Variants in DGCR2 observed in about 807,000 individuals in gnomAD.
The protein encoded by DGCR2 is DiGeorge syndrome critical region gene 2, also known as integral membrane protein DGCR2/IDD.
In DGCR2, 24 loss-of-function variants were observed where a neutral mutation model predicts 51.6. The ratio of observed to expected loss-of-function variants is 0.47; its 90% CI spans 0.34 to 0.65. The LOEUF is 0.65. Ranked by LOEUF, DGCR2 falls within the 30% of genes least tolerant of loss-of-function variation. The probability of loss-of-function intolerance (pLI) is 0.01; values close to 1 mark genes in which losing one functional copy is unlikely to be tolerated. For missense variants in DGCR2, 765 were observed against 772.1 expected (o/e 0.99, Z 0.11); for synonymous variants, 340 against 315.4 (o/e 1.08, Z -0.82).
At position 19,056,567 on chromosome 22, in the gene DGCR2, A is replaced by C. The variant is rs1249541228; in HGVS notation, c.802+419T>G. 28 of 271,500 alleles carry C rather than the reference A, an allele frequency of 1.0e-4. 1 individual carries two copies. Among genetic ancestry groups the C allele is most frequent in the South Asian group, 3.6e-4 (8 of 22,114 alleles). The allele number at this position is 271,500 out of a possible 1,614,324, so 16.8% of individuals were successfully genotyped here. A position where few individuals can be genotyped will look rare whatever the true frequency, so the allele number is the denominator to read the frequency against. Reference sequence around the variant, plus strand: ...AGCTGGCTTTAATAAAAAAAAAAAAACACACACACCATAGACTGGCAAGGT... The same window carrying C: ...AGCTGGCTTTAATAAAAAAAAAAAACCACACACACCATAGACTGGCAAGGT... On this transcript the variant is annotated intron_variant, in intron 6 of 9. Transcript: ENST00000263196.
At chr22:19,041,343 C>A (rs951240538) in intron 8 of DGCR2, 49 bp from the exon 9 acceptor site, 2 of 1,579,534 alleles carry the variant, frequency 1.3e-6, no homozygotes, top group Non-Finnish European at 1.7e-6. Flanking sequence ...TCACTGGGGG[C>A]AGGCTGCCTG....
At chr22:19,047,954 A>G in intron 7 of DGCR2, 2 of 179,524 alleles carry the variant, frequency 1.1e-5, no homozygotes, top group Non-Finnish European at 1.2e-5. Context: ...CACTTTGGGA[A>G]GCTGAGGTGG....
chr22:19,106,813 C>G (rs767156281), intron 1 of DGCR2, among the ~76,000 whole-genome samples: 1 of 151,928 alleles, frequency 6.6e-6, no homozygotes. Flanking sequence ...TCCCTGAAGC[C>G]AGCAGAGCCC....
intron 6 of DGCR2, chr22:19,056,453 C>A: frequency 7.4e-6 from 4 of 541,014 alleles, no homozygotes; most frequent in South Asian, 6.0e-5. Context: ...CGCCATCCTG[C>A]GAAGCCAGAA....
chr22:19,049,294 G>C (rs191829183), intron 6 of DGCR2, among the ~76,000 whole-genome samples: 1 of 152,084 alleles, frequency 6.6e-6, no homozygotes, highest in Non-Finnish European at 1.5e-5. Context: ...GCACAGAGCT[G>C]ACCTAGGATG....
chr22:19,106,958 C>T (rs898032294), intron 1 of DGCR2, among the ~76,000 whole-genome samples: 1 of 151,860 alleles, frequency 6.6e-6, no homozygotes, highest in Non-Finnish European at 1.5e-5. Flanking sequence ...GATACCAGAG[C>T]CCCACCACCA....
chr22:19,063,059 C>G, intron 5 of DGCR2, 143 bp downstream of exon 5: 1 of 715,532 alleles, frequency 1.4e-6, no homozygotes, highest in Non-Finnish European at 2.4e-6. Context: ...ATGACCGCAG[C>G]CCTCCCTGCA....
At chr22:19,116,296 C>T (rs1186903841) in intron 1 of DGCR2, among the ~76,000 whole-genome samples, 1 of 152,264 alleles carries the variant, frequency 6.6e-6, no homozygotes, top group Non-Finnish European at 1.5e-5. Flanking sequence ...GGTCCACAGG[C>T]TATTCACCCT....
At chr22:19,108,698 A>C (rs1401281182) in intron 1 of DGCR2, among the ~76,000 whole-genome samples, 1 of 151,912 alleles carries the variant, frequency 6.6e-6, no homozygotes, top group Non-Finnish European at 1.5e-5. Flanking sequence ...TACAAAGACA[A>C]TTCAATGGAG....
At chr22:19,080,873 AAG>A (rs1377417980) in intron 2 of DGCR2, among the ~76,000 whole-genome samples, 2 of 152,160 alleles carry the variant, frequency 1.3e-5, no homozygotes, top group African/African-American at 4.8e-5. Flanking sequence ...TGGTAGCAGA[AAG>A]AGTCACCCAG....
intron 1 of DGCR2, among the ~76,000 whole-genome samples, chr22:19,091,642 T>C (rs529861796): frequency 6.6e-6 from 1 of 152,266 alleles, no homozygotes; most frequent in African/African-American, 2.4e-5. Flanking sequence ...CTGGGCGTGG[T>C]GGCTCATGCC....
intron 1 of DGCR2, among the ~76,000 whole-genome samples, chr22:19,098,207 G>C (rs2083162787): frequency 6.6e-6 from 1 of 152,126 alleles, no homozygotes; most frequent in Non-Finnish European, 1.5e-5. Flanking sequence ...CCTCTCCCCA[G>C]GTCTCAAGAC....
In DGCR2 at chr22:19,057,945, C is replaced by A. The variant is rs1339951216; in HGVS notation, c.626-783G>T. Among the ~76,000 whole-genome samples, 1 of 152,168 alleles carries A rather than the reference C, an allele frequency of 6.6e-6. No individual in the cohort carries two copies. The highest frequency in any genetic ancestry group is 1.5e-5 in the Non-Finnish European group (1 of 68,020). On this transcript the variant is annotated intron_variant, in intron 5 of 9. Coordinates refer to ENST00000263196, the MANE Select transcript of DGCR2 (RefSeq NM_005137.3). The surrounding 1 kb of genome is among the most constrained non-coding windows in gnomAD (Gnocchi z 5.1). The stretch of plus-strand genomic sequence containing the variant: ...CCCTGCACGGCCCTTCCAGTCTGGG[C>A]TGCCAAGATTCCTTGAGGCTTACCC...
At chr22:19,045,059 T>C (rs1414608239) in intron 7 of DGCR2, among the ~76,000 whole-genome samples, 1 of 152,212 alleles carries the variant, frequency 6.6e-6, no homozygotes, top group African/African-American at 2.4e-5. Flanking sequence ...TTCTCTCCTA[T>C]GTTTTCTCCT....
Position 19,089,379 on chromosome 22 carries a change from G to C in DGCR2, c.191C>G (p.Ala64Gly), listed in dbSNP as rs756528801. 2 of 1,607,680 alleles carry C rather than the reference G, an allele frequency of 1.2e-6. No individual in the cohort carries two copies. Among genetic ancestry groups the C allele is most frequent in the Non-Finnish European group, 8.5e-7 (1 of 1,176,648 alleles). ...CTCAACACACTCACCTGGACAGTTG[G>C]CTTCGTCGCTCTCATCCTCGCAAGT... ...WATCEDESDE[A>G]NCPEVTGEVR... The change falls in exon 2 of 10, where the codon GCC becomes GGC. Residue 64 changes from alanine (A) to glycine (G), a missense_variant. Ala to Gly is a moderately conservative substitution (Grantham distance 60). Transcript: ENST00000263196.
At chr22:19,043,444 CACACATCTATA>C (rs2082455097) in intron 7 of DGCR2, among the ~76,000 whole-genome samples, 1 of 152,208 alleles carries the variant, frequency 6.6e-6, no homozygotes, top group Non-Finnish European at 1.5e-5. Flanking sequence ...ATCTACCAGC[CACACATCTATA>C]ACATGGCTGG....
At position 19,041,202 on chromosome 22, in the gene DGCR2, C is replaced by T. The variant is rs566732182; in HGVS notation, c.1252G>A (p.Asp418Asn). 7.4e-6 allele frequency: 12 copies of T among 1,614,044 alleles called. No individual in the cohort carries two copies. Among genetic ancestry groups the T allele is most frequent in the South Asian group, 2.2e-5 (2 of 91,086 alleles). Residue 418 changes from aspartate (D) to asparagine (N), a missense_variant, in exon 9 of 10, where the codon GAC becomes AAC. By Grantham distance (23) the Asp-to-Asn change is conservative (BLOSUM62 1). Coordinates refer to ENST00000263196, the MANE Select transcript of DGCR2 (RefSeq NM_005137.3). ...AAATGGAAAGTCCCACCCTCTCCGTCGTCAGAAAGATGCAGCGGCGTGAGG... is the reference window on the plus strand; with the variant it reads ...AAATGGAAAGTCCCACCCTCTCCGTTGTCAGAAAGATGCAGCGGCGTGAGG... ...TGLTPLHLSD[D>N]GEGGTFHFHD...
chr22:19,040,909 C>T, intron 9 of DGCR2, 149 bp downstream of exon 9: 1 of 719,562 alleles, frequency 1.4e-6, no homozygotes, highest in Non-Finnish European at 2.2e-6. Flanking sequence ...GCACGGGCAG[C>T]CCCAGGAGAA....
At chr22:19,056,651 C>G (rs528034010) in intron 6 of DGCR2, 1 of 392,534 alleles carries the variant, frequency 2.5e-6, no homozygotes, top group Non-Finnish European at 4.6e-6. Context: ...GGGGAGGTGA[C>G]AAACAGCCTT....
Sources: allele counts gnomAD v4.1 joint callset (sites outside exome capture counted in the v4.1 genomes callset), GRCh38; gene constraint gnomAD v4.1.1; non-coding constraint Gnocchi (gnomAD v3.1); transcripts MANE v1.5; gene names NCBI Gene and HGNC (gene_info 2026-07-23, HGNC 2026-07-21).